Variants in TRPM3 observed in about 807,000 individuals in gnomAD.
TRPM3 encodes the protein long transient receptor potential channel 3.
TRPM3 carries 77 observed loss-of-function variants against 181.2 expected under a neutral mutation model. The observed-to-expected ratio is 0.42, with a 90% CI of 0.35 to 0.51. TRPM3 has a LOEUF of 0.51. TRPM3 is among the 20% of genes least tolerant of loss of function. The probability of loss-of-function intolerance (pLI) is 0.01; values close to 1 mark genes in which losing one functional copy is unlikely to be tolerated. For synonymous variants in TRPM3, 745 were observed against 796.4 expected (o/e 0.94, Z 1.09); for missense variants, 1,759 against 2,196.7 (o/e 0.80, Z 3.98).
At chr9:70,600,052 A>T (rs1003243887) in intron 20 of TRPM3, among the ~76,000 whole-genome samples, 1 of 152,130 alleles carries the variant, frequency 6.6e-6, no homozygotes, top group Non-Finnish European at 1.5e-5. Context: ...TGCATATCCT[A>T]ACTCCTTTGT....
chr9:70,597,041 C>A (rs1014390744), intron 21 of TRPM3, among the ~76,000 whole-genome samples: 1 of 152,144 alleles, frequency 6.6e-6, no homozygotes, highest in Non-Finnish European at 1.5e-5. Flanking sequence ...TCAAGTGATT[C>A]TCCTGCCTCA....
At chr9:70,986,844 T>C (rs539872480) in intron 1 of TRPM3, among the ~76,000 whole-genome samples, 7 of 152,150 alleles carry the variant, frequency 4.6e-5, no homozygotes, top group South Asian at 4.2e-4. Context: ...TTTATTATCA[T>C]AGTCATCCCT....
intron 7 of TRPM3, chr9:70,776,304 T>A: frequency 1.7e-6 from 1 of 578,930 alleles, no homozygotes. Context: ...ATTCCAACTG[T>A]AAAGTCGAAG....
intron 22 of TRPM3, among the ~76,000 whole-genome samples, chr9:70,581,840 C>T (rs2055795851): frequency 6.6e-6 from 1 of 152,148 alleles, no homozygotes; most frequent in Admixed American, 6.5e-5. Flanking sequence ...CTTCCTTCCT[C>T]TGCTGCCCTC....
chr9:70,594,021 T>C (rs959424524), intron 21 of TRPM3, among the ~76,000 whole-genome samples: 2 of 148,244 alleles, frequency 1.3e-5, no homozygotes, highest in Non-Finnish European at 3.0e-5. Context: ...AATACCTGGG[T>C]TTTCATCTTG....
intron 1 of TRPM3, among the ~76,000 whole-genome samples, chr9:70,990,616 G>A (rs2097471930): frequency 6.6e-6 from 1 of 152,040 alleles, no homozygotes; most frequent in Admixed American, 6.6e-5. Context: ...TCAGTCCTGG[G>A]CTATTTTATT....
chr9:71,434,887 T>A (rs2094009935), intron 1 of TRPM3, among the ~76,000 whole-genome samples: 1 of 152,130 alleles, frequency 6.6e-6, no homozygotes, highest in Admixed American at 6.5e-5. Context: ...AAATCAGATG[T>A]CCTCAAATAA....
intron 8 of TRPM3, among the ~76,000 whole-genome samples, chr9:70,689,754 A>G (rs1440241638): frequency 6.6e-6 from 1 of 152,106 alleles, no homozygotes; most frequent in Non-Finnish European, 1.5e-5. Context: ...GAAGACTCAA[A>G]GCAGGAATAT....
At chr9:70,637,814 G>T (rs746267591) in intron 11 of TRPM3, among the ~76,000 whole-genome samples, 6 of 152,024 alleles carry the variant, frequency 3.9e-5, no homozygotes, top group Non-Finnish European at 7.4e-5. Flanking sequence ...GTACTTACTG[G>T]CTTTCTTAGG....
intron 1 of TRPM3, among the ~76,000 whole-genome samples, chr9:71,225,757 A>G (rs1021478358): frequency 6.6e-6 from 1 of 151,952 alleles, no homozygotes; most frequent in East Asian, 1.9e-4. Context: ...CCTGGGTTCA[A>G]ATGATTCTCC....
In TRPM3 at chr9:70,672,329, G is replaced by A. The variant is rs145785309; in HGVS notation, c.1345+9177C>T. On this transcript the variant is annotated intron_variant, in intron 9 of 25. Coordinates refer to ENST00000677713, the MANE Select transcript of TRPM3 (RefSeq NM_001366145.2). ...AGGAAAGATGTTTCCTTCTGATTGG[G>A]GTTTTCTCAGTTAGCTGGGCATGAG... Among the ~76,000 whole-genome samples the A allele has an allele frequency of 2.4e-3, 363 of 152,168 alleles. 2 individuals carry two copies. Among genetic ancestry groups the A allele is most frequent in the Middle Eastern group, 6.8e-3 (2 of 294 alleles).
Position 71,396,717 on chromosome 9 carries a change from C to G in TRPM3, c.183+49936G>C, listed in dbSNP as rs1314113332. On this transcript the variant is annotated intron_variant, in intron 1 of 24. Transcript: ENST00000357533. Reference sequence around the variant, plus strand: ...TGGCTCACACCTGTAAATCCCAACACTTTGGGAGGCCGAGGTGGGCAGACC... The same window carrying G: ...TGGCTCACACCTGTAAATCCCAACAGTTTGGGAGGCCGAGGTGGGCAGACC... 2.0e-5 allele frequency among the ~76,000 whole-genome samples: 3 copies of G among 151,418 alleles called. No individual in the cohort carries two copies. The South Asian group carries it at 6.2e-4, about 32-fold the overall frequency.
intron 22 of TRPM3, among the ~76,000 whole-genome samples, chr9:70,589,134 A>G (rs2057670401): frequency 6.6e-6 from 1 of 152,250 alleles, no homozygotes; most frequent in African/African-American, 2.4e-5. Flanking sequence ...TCTAATTAAC[A>G]GTGTGGGAAA....
rs577213355 is a variant in TRPM3, at chr9:71,404,196, G to A, written c.183+42457C>T. Among the ~76,000 whole-genome samples, 15 of 152,246 alleles carry A rather than the reference G, an allele frequency of 9.9e-5. 1 individual carries two copies. The highest frequency in any genetic ancestry group is 1.4e-4 in the African/African-American group (6 of 41,570). On this transcript the variant is annotated intron_variant, in intron 1 of 24. Coordinates refer to the TRPM3 transcript ENST00000357533. ...TAAAAATGTCTATGTCCTTGGCATC[G>A]TGCCTAAATAAGTAGCAGCTCAATA...
At chr9:71,246,809 T>A (rs1160764236) in intron 1 of TRPM3, among the ~76,000 whole-genome samples, 1 of 152,260 alleles carries the variant, frequency 6.6e-6, no homozygotes, top group Non-Finnish European at 1.5e-5. Context: ...GCTTTCACTG[T>A]ACTTGGTAGT....
chr9:71,329,480 TC>T (rs2089961047), intron 1 of TRPM3, among the ~76,000 whole-genome samples: 1 of 152,100 alleles, frequency 6.6e-6, no homozygotes, highest in Non-Finnish European at 1.5e-5. Context: ...AGCAAAAAGT[TC>T]AAAGGGGCCA....
intron 1 of TRPM3, among the ~76,000 whole-genome samples, chr9:71,306,563 T>C (rs1156977090): frequency 6.6e-6 from 1 of 152,194 alleles, no homozygotes; most frequent in Admixed American, 6.5e-5. Flanking sequence ...ATAAGCCTTC[T>C]ATGTATTTAT....
At chr9:70,891,272 T>C (rs2096198148) in intron 1 of TRPM3, among the ~76,000 whole-genome samples, 1 of 151,968 alleles carries the variant, frequency 6.6e-6, no homozygotes, top group South Asian at 2.1e-4. Flanking sequence ...ACTGAAAAAT[T>C]GAAAAAAATA....
intron 1 of TRPM3, among the ~76,000 whole-genome samples, chr9:71,177,636 T>TC (rs71489083): frequency 0.4 from 61,166 of 151,952 alleles, 12,623 homozygotes; most frequent in East Asian, 0.52. Context: ...TAGGAAAACC[T>TC]ATCTTTTCAC....
Sources: gnomAD v4.1 joint callset for allele counts (sites outside exome capture counted in the v4.1 genomes callset) on GRCh38, gnomAD v4.1.1 for gene constraint, MANE v1.5 for transcripts, NCBI Gene and HGNC (gene_info 2026-07-23, HGNC 2026-07-21) for gene names.